MCOLN2: variants seen among roughly 807,000 people sequenced by gnomAD.
The protein encoded by MCOLN2 is mucolipin-2.
A neutral mutation model predicts 67.5 loss-of-function variants in MCOLN2; 57 were observed. The observed-to-expected ratio is 0.84, with a 90% confidence interval of 0.68 to 1.05. The LOEUF (loss-of-function observed/expected upper bound fraction) is 1.05, where lower values mean the gene tolerates loss of function less well. MCOLN2 is among the 50% of genes least tolerant of loss of function. The pLI is 0.00. For missense variants in MCOLN2, 620 were observed against 678.8 expected, an observed-to-expected ratio of 0.91 and a Z score of 0.96; for synonymous variants, 246 against 233.3, an observed-to-expected ratio of 1.05 and a Z score of -0.50.
intron 8 of MCOLN2, among the ~76,000 whole-genome samples, chr1:84,940,090 T>C (rs541836390): frequency 2.6e-5 from 4 of 151,052 alleles, no homozygotes; most frequent in African/African-American, 9.7e-5. Flanking sequence ...AGGATCCGTG[T>C]CCAGGCAGGC....
At chr1:84,946,169 A>G (rs1648093093) in intron 7 of MCOLN2, among the ~76,000 whole-genome samples, 1 of 152,158 alleles carries the variant, frequency 6.6e-6, no homozygotes. Context: ...CCCACTGTCC[A>G]AGGCTCAGAT....
At chr1:84,930,872 C>T (rs921418780) in intron 12 of MCOLN2, among the ~76,000 whole-genome samples, 1 of 152,134 alleles carries the variant, frequency 6.6e-6, no homozygotes, top group Non-Finnish European at 1.5e-5. Flanking sequence ...GGATACAGAA[C>T]CCATCAGGTA....
intron 4 of MCOLN2, among the ~76,000 whole-genome samples, chr1:84,953,787 C>T (rs1462247898): frequency 6.6e-6 from 1 of 152,152 alleles, no homozygotes; most frequent in East Asian, 1.9e-4. Context: ...TAGGCTAACA[C>T]CCTTGTTTTA....
At chr1:84,937,360 ATTC>A (rs1445849819) in intron 11 of MCOLN2, 2 of 158,202 alleles carry the variant, frequency 1.3e-5, no homozygotes, top group African/African-American at 4.8e-5. Flanking sequence ...GCCCATCTTC[ATTC>A]TTCTCAATTA....
intron 1 of MCOLN2, among the ~76,000 whole-genome samples, chr1:84,989,430 G>A (rs930256275): frequency 6.6e-6 from 1 of 152,054 alleles, no homozygotes; most frequent in Non-Finnish European, 1.5e-5. Context: ...GCTGATGATA[G>A]AAACCCTACT....
chr1:84,946,170 A>G (rs1470855400), intron 7 of MCOLN2, among the ~76,000 whole-genome samples: 1 of 152,158 alleles, frequency 6.6e-6, no homozygotes, highest in Non-Finnish European at 1.5e-5. Context: ...CCACTGTCCA[A>G]GGCTCAGATC....
chr1:84,949,583 G>A (rs531009162), intron 6 of MCOLN2, among the ~76,000 whole-genome samples: 5 of 152,300 alleles, frequency 3.3e-5, no homozygotes, highest in African/African-American at 1.2e-4. Context: ...AGAGCTTGCA[G>A]TGAGCGGAGA....
intron 1 of MCOLN2, among the ~76,000 whole-genome samples, chr1:84,991,266 A>T (rs999192078): frequency 6.6e-6 from 1 of 152,148 alleles, no homozygotes; most frequent in African/African-American, 2.4e-5. Flanking sequence ...CTAAAATTCA[A>T]TGTTTCTACA....
At position 84,997,094 on chromosome 1, in the gene MCOLN2, G is replaced by C. The variant is rs545639110; in HGVS notation, c.-222C>G. The C allele has an allele frequency of 4.9e-4, 281 of 569,272 alleles. No homozygotes were observed. Among genetic ancestry groups the C allele is most frequent in the African/African-American group, 4.9e-3 (253 of 51,932 alleles). 35.3% of individuals were successfully genotyped at this position (569,272 alleles called of 1,614,324 possible). Reference sequence around the variant, plus strand: ...GAGTGCGGCGGGCAGTTCTCGGGCGGCTGAAAGGCGGCTCTGTGTGCACCC... The same window carrying C: ...GAGTGCGGCGGGCAGTTCTCGGGCGCCTGAAAGGCGGCTCTGTGTGCACCC... On this transcript the variant is annotated 5_prime_UTR_variant, in exon 1 of 14. Coordinates refer to ENST00000370608, the MANE Select transcript of MCOLN2 (RefSeq NM_153259.4).
chr1:84,929,861 T>C (rs1200428578), intron 12 of MCOLN2, 182 bp from the exon 13 acceptor site: 5 of 459,858 alleles, frequency 1.1e-5, no homozygotes, highest in African/African-American at 2.0e-5. Flanking sequence ...GCAGGGCCAC[T>C]GTGGGAACAG....
chr1:84,997,035 A>C lies in MCOLN2; in HGVS notation c.-163T>G, dbSNP rs1392763264. The C allele has an allele frequency of 6.2e-6, 4 of 640,074 alleles. No individual in the cohort carries two copies. The highest frequency in any genetic ancestry group is 1.1e-5 in the Non-Finnish European group (4 of 369,514). The allele number at this position is 640,074 out of a possible 1,614,324, so 39.6% of individuals were successfully genotyped here. A position where few individuals can be genotyped will look rare whatever the true frequency, so the allele number is the denominator to read the frequency against. ...TTTCTGCCGGCCGCGTGGTGCGCGC[A>C]GACCCCGGCCCGAGAGCAGGCGCCG... is the stretch of plus-strand genomic sequence containing the variant. On this transcript the variant is annotated 5_prime_UTR_variant, in exon 1 of 14. Transcript: ENST00000370608.
At chr1:84,972,567 G>A (rs1649752774) in intron 1 of MCOLN2, among the ~76,000 whole-genome samples, 1 of 152,186 alleles carries the variant, frequency 6.6e-6, no homozygotes, top group African/African-American at 2.4e-5. Flanking sequence ...AAACCAGGAG[G>A]AAGGCACAAC....
At chr1:84,979,500 G>C (rs1650155098) in intron 1 of MCOLN2, among the ~76,000 whole-genome samples, 1 of 152,088 alleles carries the variant, frequency 6.6e-6, no homozygotes, top group Non-Finnish European at 1.5e-5. Context: ...TTTATCCCTG[G>C]GATGCAAGGA....
At chr1:84,953,223 T>G (rs150663143) in intron 4 of MCOLN2, among the ~76,000 whole-genome samples, 112 of 152,210 alleles carry the variant, frequency 7.4e-4, no homozygotes, top group African/African-American at 2.6e-3. Flanking sequence ...GAGAAATATT[T>G]ATGCATAGAA....
Position 84,931,366 on chromosome 1 carries a change from A to T in MCOLN2, c.1538T>A (p.Ile513Asn), listed in dbSNP as rs879876255. ...IALITDSYDT[I>N]KKFQQNGFPE... Reference sequence around the variant, plus strand: ...CAAATTTTGATAATTACTTACCTTAATGGTGTCATAAGAATCTGTAATAAG... The same window carrying T: ...CAAATTTTGATAATTACTTACCTTATTGGTGTCATAAGAATCTGTAATAAG... Residue 513 changes from isoleucine (I) to asparagine (N), a missense_variant, in exon 12 of 14, where the codon ATT becomes AAT. Physicochemically the swap from Ile to Asn is moderately radical, Grantham distance 149. Coordinates refer to ENST00000370608, the MANE Select transcript of MCOLN2 (RefSeq NM_153259.4). 1 of 1,532,592 alleles carries T rather than the reference A, an allele frequency of 6.5e-7. No individual in the cohort carries two copies. The highest frequency in any genetic ancestry group is 9.0e-7 in the Non-Finnish European group (1 of 1,107,464). 94.9% of individuals were successfully genotyped at this position (1,532,592 alleles called of 1,614,324 possible). A position where few individuals can be genotyped will look rare whatever the true frequency, so the allele number is the denominator to read the frequency against.
At chr1:84,929,845 AC>A in intron 12 of MCOLN2, 166 bp from the exon 13 acceptor site, 2 of 536,250 alleles carry the variant, frequency 3.7e-6, no homozygotes, top group Non-Finnish European at 6.2e-6. Context: ...GTCCCAGAAC[AC>A]CAAGGCAGGG....
chr1:84,937,267 T>C (rs1647480910), intron 11 of MCOLN2, among the ~76,000 whole-genome samples: 1 of 152,218 alleles, frequency 6.6e-6, no homozygotes, highest in African/African-American at 2.4e-5. Context: ...AGAAAGATGA[T>C]GCTGTAATCA....
intron 9 of MCOLN2, 49 bp from the exon 10 acceptor site, chr1:84,938,131 CCACTTAGCTT>C: frequency 7.3e-7 from 1 of 1,367,758 alleles, no homozygotes; most frequent in Non-Finnish European, 1.0e-6. Context: ...ATATTTGACT[CCACTTAGCTT>C]ATTAGCCTTA....
intron 4 of MCOLN2, among the ~76,000 whole-genome samples, chr1:84,953,560 A>G (rs985826469): frequency 2.0e-5 from 3 of 151,920 alleles, no homozygotes; most frequent in African/African-American, 7.3e-5. Context: ...CAAAAAAAAA[A>G]AAAAAAAATG....
Sources: gnomAD v4.1 joint callset for allele counts (sites outside exome capture counted in the v4.1 genomes callset) on GRCh38, gnomAD v4.1.1 for gene constraint, MANE v1.5 for transcripts, NCBI Gene and HGNC (gene_info 2026-07-23, HGNC 2026-07-21) for gene names.